PKD2L1: variants seen among roughly 807,000 people sequenced by gnomAD.
The protein encoded by PKD2L1 is polycystin 2 like 1, transient receptor potential cation channel, also known as polycystin-2-like protein 1.
In PKD2L1, 77 loss-of-function variants were observed where a neutral mutation model predicts 93.0. The observed-to-expected ratio is 0.83, with a 90% CI of 0.69 to 1.00. PKD2L1 has a LOEUF of 1.00. PKD2L1 is among the 50% of genes least tolerant of loss of function. The pLI, the probability that PKD2L1 is intolerant of heterozygous loss-of-function variation, is 0.00. For missense variants in PKD2L1, 977 were observed against 990.9 expected, an observed-to-expected ratio of 0.99 and a Z score of 0.19; for synonymous variants, 390 against 388.0, an observed-to-expected ratio of 1.01 and a Z score of -0.06.
intron 2 of PKD2L1, among the ~76,000 whole-genome samples, chr10:100,327,211 G>A (rs551249042): frequency 1.6e-4 from 24 of 152,312 alleles, no homozygotes; most frequent in Admixed American, 1.2e-3. Flanking sequence ...TGACAGCCCC[G>A]CTGACACTCC....
chr10:100,305,199 C>G (rs1312612797), intron 2 of PKD2L1, among the ~76,000 whole-genome samples: 3 of 151,354 alleles, frequency 2.0e-5, no homozygotes, highest in Non-Finnish European at 4.4e-5. Context: ...GCAACCTCTG[C>G]CTCCCGGGTT....
rs138733542 is a variant in PKD2L1 at position 100,305,792 on chromosome 10, G to A, written c.350-6074C>T. On this transcript the variant is annotated intron_variant, in intron 2 of 15. Transcript: ENST00000318222. Reference sequence around the variant, plus strand: ...GAGGAAGCCCAGGGTTGTACATGGGGTGATGATTTGGCTCATGTGTCTTTC... The same window carrying A: ...GAGGAAGCCCAGGGTTGTACATGGGATGATGATTTGGCTCATGTGTCTTTC... 1.7e-3 allele frequency among the ~76,000 whole-genome samples: 261 copies of A among 152,278 alleles called. No individual in the cohort carries two copies. The Middle Eastern group carries it at 0.031, about 18-fold the overall frequency.
At chr10:100,329,810 G>T in intron 1 of PKD2L1, 59 bp downstream of exon 1, 2 of 1,176,832 alleles carry the variant, frequency 1.7e-6, no homozygotes, top group East Asian at 2.4e-5. Context: ...CTGCCCAAAA[G>T]CTTTTGGTGA....
chr10:100,325,803 T>C (rs895978304), intron 2 of PKD2L1, among the ~76,000 whole-genome samples: 1 of 152,238 alleles, frequency 6.6e-6, no homozygotes, highest in Non-Finnish European at 1.5e-5. Flanking sequence ...CTATTTACCA[T>C]GTGCCAGACA....
rs1290989821 is a variant in PKD2L1, at chr10:100,294,927, G to A, written c.1538+15C>T. 2 of 1,605,724 alleles carry A rather than the reference G, an allele frequency of 1.2e-6. No individual in the cohort carries two copies. Among genetic ancestry groups the A allele is most frequent in the South Asian group, 2.2e-5 (2 of 90,196 alleles). ...GTGAGGGGCCAGGGAGGAGTGAAGG[G>A]GACAGGACACACACATGCACTTGAT... On this transcript the variant is annotated intron_variant, in intron 8 of 15. Transcript: ENST00000318222.
intron 7 of PKD2L1, among the ~76,000 whole-genome samples, chr10:100,295,759 GGGGC>G (rs1396216447): frequency 1.3e-5 from 2 of 148,882 alleles, no homozygotes; most frequent in African/African-American, 4.9e-5. Context: ...AAAAAAGTCA[GGGGC>G]GGTGGCTCAT....
chr10:100,312,358 T>A (rs1179766600), intron 2 of PKD2L1, among the ~76,000 whole-genome samples: 1 of 152,104 alleles, frequency 6.6e-6, no homozygotes, highest in Non-Finnish European at 1.5e-5. Context: ...TCTTGGGAAA[T>A]TAGATTCAGA....
chr10:100,329,321 A>T lies in PKD2L1; in HGVS notation c.239T>A (p.Leu80His). 1 of 1,614,164 alleles carries T rather than the reference A, an allele frequency of 6.2e-7. No homozygotes were observed. The highest frequency in any genetic ancestry group is 1.3e-5 in the African/African-American group (1 of 75,024). Reference protein sequence around the residue: ...CLHICQGIRGLWGTTLTENTA... With the variant: ...CLHICQGIRGHWGTTLTENTA... ...GTTCTCAGTCAGGGTTGTTCCCCAA[A>T]GTCCTAAGGGGCATGGGAGAGATGC... is the stretch of plus-strand genomic sequence containing the variant. The change falls in exon 2 of 16, where the codon CTT becomes CAT. Residue 80 changes from leucine (L) to histidine (H), a missense_variant. Coordinates refer to ENST00000318222, the MANE Select transcript of PKD2L1 (RefSeq NM_016112.3).
intron 2 of PKD2L1, among the ~76,000 whole-genome samples, chr10:100,324,990 G>A (rs984210224): frequency 2.0e-5 from 3 of 152,268 alleles, no homozygotes; most frequent in Non-Finnish European, 1.5e-5. Context: ...GGCTTATAAC[G>A]TGTATTCCCA....
chr10:100,301,587 C>T (rs1234004799), intron 2 of PKD2L1, among the ~76,000 whole-genome samples: 6 of 152,156 alleles, frequency 3.9e-5, no homozygotes, highest in African/African-American at 1.4e-4. Context: ...CTGCCCGGCC[C>T]ACAGGCAGCC....
intron 2 of PKD2L1, among the ~76,000 whole-genome samples, chr10:100,314,987 GAAGGAAGGAAGGAAGGAA>G (rs1849047721): frequency 2.9e-5 from 1 of 34,076 alleles, no homozygotes; most frequent in African/African-American, 2.2e-4. Flanking sequence ...AGGAAGGAAG[GAAGGAAGGAAGGAAGGAA>G]GGAAGGAAGG....
intron 2 of PKD2L1, among the ~76,000 whole-genome samples, chr10:100,322,205 G>A (rs113358059): frequency 0.012 from 1,773 of 152,136 alleles, 22 homozygotes; most frequent in Middle Eastern, 0.041. Context: ...GAGCAACAGA[G>A]CAAGGCCCGG....
intron 2 of PKD2L1, among the ~76,000 whole-genome samples, chr10:100,302,587 C>G (rs1183498417): frequency 6.6e-6 from 1 of 151,634 alleles, no homozygotes; most frequent in Non-Finnish European, 1.5e-5. Context: ...GCCTGTAATC[C>G]CAGCTGCTTG....
rs755000261 is a variant in PKD2L1, at chr10:100,294,576, A to G, written c.1618T>C (p.Tyr540His). Residue 540 changes from tyrosine (Y) to histidine (H), a missense_variant, in exon 9 of 16, where the codon TAC (tyrosine) becomes CAC (histidine). Coordinates refer to ENST00000318222, the MANE Select transcript of PKD2L1 (RefSeq NM_016112.3). ...DNANRILGPA[Y>H]FVTYVFFVFF... ...ACGAAGAAGACATAGGTGACAAAGT[A>G]GGCAGGGCCCAGGATGCGGTTGGCA... 3.7e-6 allele frequency: 6 copies of G among 1,613,972 alleles called. No individual in the cohort carries two copies. Among genetic ancestry groups the G allele is most frequent in the Non-Finnish European group, 5.1e-6 (6 of 1,179,988 alleles).
chr10:100,317,128 A>C (rs370216597), intron 2 of PKD2L1, among the ~76,000 whole-genome samples: 16 of 152,210 alleles, frequency 1.1e-4, no homozygotes, highest in Non-Finnish European at 1.2e-4. Context: ...AAAACTCAGG[A>C]AAAATGTAAA....
chr10:100,291,554 C>T (rs1283954314), intron 11 of PKD2L1, 127 bp from the exon 12 acceptor site: 4 of 884,556 alleles, frequency 4.5e-6, no homozygotes, highest in Admixed American at 5.2e-5. Flanking sequence ...TCTCCAAAGT[C>T]TAGCAATCTT....
At chr10:100,314,288 C>T (rs1426159409) in intron 2 of PKD2L1, among the ~76,000 whole-genome samples, 1 of 152,068 alleles carries the variant, frequency 6.6e-6, no homozygotes, top group Admixed American at 6.6e-5. Flanking sequence ...CTCAAGAAGC[C>T]ATAGGCTTGT....
Position 100,330,144 on chromosome 10 carries a change from T to C in PKD2L1, c.-41A>G. Reference sequence around the variant, plus strand: ...GGGGCCCGGTACCCCAGGTGCCCACTCTCAGCTAGAGGAAGAGGGAGCAGA... The same window carrying C: ...GGGGCCCGGTACCCCAGGTGCCCACCCTCAGCTAGAGGAAGAGGGAGCAGA... On this transcript the variant is annotated 5_prime_UTR_variant, in exon 1 of 16. Transcript: ENST00000318222. 1 of 1,308,760 alleles carries C rather than the reference T, an allele frequency of 7.6e-7. No homozygotes were observed. Among genetic ancestry groups the C allele is most frequent in the Non-Finnish European group, 1.1e-6 (1 of 937,162 alleles). 81.1% of individuals were successfully genotyped at this position (1,308,760 alleles called of 1,614,324 possible). A position where few individuals can be genotyped will look rare whatever the true frequency, so the allele number is the denominator to read the frequency against.
rs377702724 is a variant in PKD2L1, at chr10:100,296,351, C to T, written c.1186-59G>A. ...GGCAAGGGGATCTCAAGGGAAGTTC[C>T]AAGATGAGGCCCCAAGGGAGAGTCA... On this transcript the variant is annotated intron_variant, in intron 6 of 15. Coordinates refer to ENST00000318222, the MANE Select transcript of PKD2L1 (RefSeq NM_016112.3). 1.4e-3 allele frequency: 1,912 copies of T among 1,410,962 alleles called. 6 individuals carry two copies. The highest frequency in any genetic ancestry group is 5.3e-3 in the South Asian group (377 of 70,732). 87.4% of individuals were successfully genotyped at this position (1,410,962 alleles called of 1,614,324 possible).
Sources: gnomAD v4.1 joint callset for allele counts (sites outside exome capture counted in the v4.1 genomes callset) on GRCh38, gnomAD v4.1.1 for gene constraint, MANE v1.5 for transcripts, NCBI Gene and HGNC (gene_info 2026-07-23, HGNC 2026-07-21) for gene names.